PABPC4L: variants seen among roughly 807,000 people sequenced by gnomAD.
The protein encoded by PABPC4L is polyadenylate-binding protein 4-like.
For missense variants in PABPC4L, 452 were observed against 451.4 expected (o/e 1.00, Z -0.01); for synonymous variants, 169 against 164.1 (o/e 1.03, Z -0.23).
At chr4:133,981,194 G>C in the PABPC4L span, among the ~76,000 whole-genome samples, 1 of 151,862 alleles carries the variant, frequency 6.6e-6, no homozygotes, top group East Asian at 1.9e-4. Context: ...ATATTTTCAA[G>C]ATCCACTATG....
the PABPC4L span, among the ~76,000 whole-genome samples, chr4:134,113,174 G>C: frequency 6.6e-6 from 1 of 151,860 alleles, no homozygotes; most frequent in African/African-American, 2.4e-5. Flanking sequence ...ATGTTTAAGA[G>C]TTTAGAAAGT....
chr4:134,014,106 AC>A, the PABPC4L span, among the ~76,000 whole-genome samples: 4 of 152,136 alleles, frequency 2.6e-5, no homozygotes, highest in Admixed American at 2.6e-4. Context: ...TTTGGCAGCA[AC>A]CCTGAGACAC....
At chr4:133,959,689 C>T in the PABPC4L span, among the ~76,000 whole-genome samples, 1,553 of 152,224 alleles carry the variant, frequency 0.01, 27 homozygotes, top group African/African-American at 0.036. Context: ...AAAACACACA[C>T]GCACTGGGAG....
chr4:134,156,398 T>C, the PABPC4L span, among the ~76,000 whole-genome samples: 2 of 151,904 alleles, frequency 1.3e-5, no homozygotes, highest in African/African-American at 4.8e-5. Context: ...TACTGTCACT[T>C]GACAACATTA....
chr4:134,174,921 G>A, the PABPC4L span, among the ~76,000 whole-genome samples: 1 of 151,984 alleles, frequency 6.6e-6, no homozygotes, highest in East Asian at 1.9e-4. Flanking sequence ...AAATAGTAGG[G>A]TAAATTTTTC....
chr4:134,014,727 A>G, the PABPC4L span, among the ~76,000 whole-genome samples: 2 of 151,952 alleles, frequency 1.3e-5, no homozygotes, highest in African/African-American at 2.4e-5. Flanking sequence ...GTGAAGGGTA[A>G]GTCTGTCCCC....
chr4:134,118,700 T>A, the PABPC4L span, among the ~76,000 whole-genome samples: 1 of 151,802 alleles, frequency 6.6e-6, no homozygotes, highest in Non-Finnish European at 1.5e-5. Flanking sequence ...TTCAGAGAGA[T>A]TTCTCTTTTT....
At chr4:134,125,311 C>T in the PABPC4L span, among the ~76,000 whole-genome samples, 8 of 148,406 alleles carry the variant, frequency 5.4e-5, no homozygotes, top group Middle Eastern at 3.2e-3. Flanking sequence ...ACATCCTCCT[C>T]TTTTTTTTTT....
the PABPC4L span, among the ~76,000 whole-genome samples, chr4:134,007,791 A>C: frequency 1.3e-5 from 2 of 151,756 alleles, no homozygotes; most frequent in African/African-American, 4.8e-5. Context: ...TTGAGTTTTC[A>C]AGTTAATAAA....
At chr4:134,149,674 G>A in the PABPC4L span, among the ~76,000 whole-genome samples, 572 of 152,258 alleles carry the variant, frequency 3.8e-3, 2 homozygotes, top group African/African-American at 0.013. Flanking sequence ...AAATGTTTCC[G>A]TAGCAAATGC....
chr4:134,040,238 T>A, the PABPC4L span, among the ~76,000 whole-genome samples: 861 of 148,390 alleles, frequency 5.8e-3, 12 homozygotes, highest in African/African-American at 0.019. Context: ...TTAAAGTTCA[T>A]ATGGAACCAA....
the PABPC4L span, among the ~76,000 whole-genome samples, chr4:134,086,820 A>G: frequency 7.6e-6 from 1 of 132,154 alleles, no homozygotes; most frequent in Non-Finnish European, 1.6e-5. Flanking sequence ...TTATTATTAT[A>G]CTTTAAGATT....
the PABPC4L span, among the ~76,000 whole-genome samples, chr4:134,113,485 A>T: frequency 6.6e-6 from 1 of 152,076 alleles, no homozygotes; most frequent in East Asian, 1.9e-4. Context: ...ACAGGTTTTT[A>T]ACCTAGAAAC....
chr4:134,123,988 C>G, the PABPC4L span, among the ~76,000 whole-genome samples: 3 of 152,002 alleles, frequency 2.0e-5, no homozygotes, highest in Non-Finnish European at 4.4e-5. Context: ...AAAGTACTTA[C>G]AAGGTTTGAC....
chr4:134,164,292 A>G, the PABPC4L span, among the ~76,000 whole-genome samples: 1 of 128,572 alleles, frequency 7.8e-6, no homozygotes, highest in East Asian at 2.7e-4. Flanking sequence ...AAAAAAAAAA[A>G]TAGAAGTCCT....
chr4:133,952,060 G>T, the PABPC4L span, among the ~76,000 whole-genome samples: 1 of 152,002 alleles, frequency 6.6e-6, no homozygotes, highest in Non-Finnish European at 1.5e-5. Context: ...TTTCCCTTAG[G>T]AAACTAAGCA....
At chr4:134,189,121 G>C in the PABPC4L span, among the ~76,000 whole-genome samples, 2 of 151,872 alleles carry the variant, frequency 1.3e-5, no homozygotes, top group Non-Finnish European at 2.9e-5. Flanking sequence ...CAGTGTTTTC[G>C]ATCTCTTGAA....
chr4:134,165,735 A>C, the PABPC4L span, among the ~76,000 whole-genome samples: 1 of 152,186 alleles, frequency 6.6e-6, no homozygotes, highest in African/African-American at 2.4e-5. Context: ...GGAGGTTTCC[A>C]AAATAACTCA....
the PABPC4L span, among the ~76,000 whole-genome samples, chr4:134,171,171 A>G: frequency 6.6e-6 from 1 of 152,144 alleles, no homozygotes; most frequent in African/African-American, 2.4e-5. Flanking sequence ...GCTGCAGTAC[A>G]GTGGCACAAT....
Sources: allele counts gnomAD v4.1 joint callset (sites outside exome capture counted in the v4.1 genomes callset), GRCh38; gene constraint gnomAD v4.1.1; transcripts MANE v1.5; gene names NCBI Gene and HGNC (gene_info 2026-07-23, HGNC 2026-07-21).